The following MYT1L variants were observed in gnomAD, a reference collection of about 807,000 sequenced individuals.
The protein encoded by MYT1L is myelin transcription factor 1 like.
A neutral mutation model predicts 126.7 loss-of-function variants in MYT1L; 12 were observed. That is an observed-to-expected ratio of 0.09 (90% CI 0.06 to 0.15). The LOEUF (loss-of-function observed/expected upper bound fraction) is 0.15. MYT1L is among the 10% of genes least tolerant of loss of function. The probability of loss-of-function intolerance (pLI) is 1.00; values close to 1 mark genes in which losing one functional copy is unlikely to be tolerated. For synonymous variants in MYT1L, 541 were observed against 604.2 expected, an observed-to-expected ratio of 0.90 and a Z score of 1.53; for missense variants, 979 against 1,585.2, an observed-to-expected ratio of 0.62 and a Z score of 6.49.
intron 21 of MYT1L, chr2:1,816,367 A>G (rs1483007869): frequency 6.6e-6 from 1 of 152,636 alleles, no homozygotes; most frequent in Non-Finnish European, 1.5e-5. Context: ...GGTGCCTGGC[A>G]ATTCCTGGCT....
At position 1,910,143 on chromosome 2, in the gene MYT1L, T is replaced by A; in HGVS notation, c.1817+97A>T. ...CCCGCCCTCCAGTCCCTGCCCCTGC[T>A]GCTGTAGGGACATGCCCTGAGCGGG... is the stretch of plus-strand genomic sequence containing the variant. On this transcript the variant is annotated intron_variant, in intron 13 of 24. Transcript: ENST00000647738. The surrounding 1 kb of genome is among the most constrained non-coding windows in gnomAD (Gnocchi z 4.8). 1 of 1,117,120 alleles carries A rather than the reference T, an allele frequency of 9.0e-7. No homozygotes were observed. The highest frequency in any genetic ancestry group is 1.3e-6 in the Non-Finnish European group (1 of 767,320). 69.2% of individuals were successfully genotyped at this position (1,117,120 alleles called of 1,614,324 possible).
intron 4 of MYT1L, among the ~76,000 whole-genome samples, chr2:2,019,114 G>A (rs973821794): frequency 1.3e-5 from 2 of 152,078 alleles, no homozygotes; most frequent in East Asian, 1.9e-4. Context: ...ATATGGTTTC[G>A]CTGTGTCCCC....
chr2:2,016,128 G>A (rs1327163173), intron 4 of MYT1L, among the ~76,000 whole-genome samples: 5 of 152,242 alleles, frequency 3.3e-5, no homozygotes, highest in Non-Finnish European at 7.3e-5. Flanking sequence ...GGTGCTAGGA[G>A]CTTTGTCCAC....
chr2:1,942,868 A>G (rs2056805375), intron 9 of MYT1L, 114 bp downstream of exon 9: 1 of 1,368,318 alleles, frequency 7.3e-7, no homozygotes, highest in Admixed American at 2.9e-5. Context: ...CTCAGTATTG[A>G]CCAAGAAGAA....
At chr2:2,221,844 G>T (rs2093883031) in intron 2 of MYT1L, among the ~76,000 whole-genome samples, 1 of 152,106 alleles carries the variant, frequency 6.6e-6, no homozygotes, top group Non-Finnish European at 1.5e-5. Flanking sequence ...AATTTTCGAA[G>T]GAGCAGAGAT....
chr2:2,228,071 G>A lies in MYT1L; in HGVS notation c.-420-55083C>T, dbSNP rs1389795449. Reference sequence around the variant, plus strand: ...TCATAACGGCTAGTAAATGCCTAGGGTTGAATATAAGTTTGTTGATGTTCA... The same window carrying A: ...TCATAACGGCTAGTAAATGCCTAGGATTGAATATAAGTTTGTTGATGTTCA... On this transcript the variant is annotated intron_variant, in intron 2 of 24. Transcript: ENST00000647738. The surrounding 1 kb of genome is among the most constrained non-coding windows in gnomAD (Gnocchi z 5.9). 2.0e-5 allele frequency among the ~76,000 whole-genome samples: 3 copies of A among 152,138 alleles called. No individual in the cohort carries two copies. The highest frequency in any genetic ancestry group is 7.2e-5 in the African/African-American group (3 of 41,428).
intron 4 of MYT1L, among the ~76,000 whole-genome samples, chr2:2,002,041 G>A (rs148322376): frequency 1.2e-4 from 19 of 152,238 alleles, no homozygotes; most frequent in East Asian, 3.9e-4. Flanking sequence ...ATTTGAAACC[G>A]TGATAAAATC....
chr2:1,875,614 GTC>G (rs2046812796), intron 18 of MYT1L, among the ~76,000 whole-genome samples: 1 of 152,192 alleles, frequency 6.6e-6, no homozygotes, highest in South Asian at 2.1e-4. Flanking sequence ...CTGCCGTTCT[GTC>G]TCTGTCCCCA....
intron 9 of MYT1L, among the ~76,000 whole-genome samples, chr2:1,932,185 G>A (rs964092008): frequency 3.3e-5 from 5 of 152,132 alleles, no homozygotes; most frequent in Admixed American, 6.5e-5. Context: ...TCAGAAGAAT[G>A]ATCTTACACA....
intron 3 of MYT1L, among the ~76,000 whole-genome samples, chr2:2,118,800 T>G (rs2080566390): frequency 6.6e-6 from 1 of 152,242 alleles, no homozygotes; most frequent in Admixed American, 6.5e-5. Context: ...CCTCCCAGAC[T>G]AAACTACCAC....
At chr2:2,250,542 G>A (rs1342628430) in intron 2 of MYT1L, among the ~76,000 whole-genome samples, 1 of 150,496 alleles carries the variant, frequency 6.6e-6, no homozygotes, top group Non-Finnish European at 1.5e-5. Flanking sequence ...GCGGGGAAGT[G>A]GGGATGGTGA....
intron 1 of MYT1L, among the ~76,000 whole-genome samples, chr2:2,315,483 A>G (rs960327570): frequency 6.6e-6 from 1 of 152,188 alleles, no homozygotes; most frequent in African/African-American, 2.4e-5. Flanking sequence ...TATGAAGATA[A>G]TACTGGTGCC....
chr2:2,122,125 T>C (rs1460854165), intron 3 of MYT1L, among the ~76,000 whole-genome samples: 1 of 152,226 alleles, frequency 6.6e-6, no homozygotes, highest in Non-Finnish European at 1.5e-5. Flanking sequence ...CACTATCCAA[T>C]GTGACTAGCA....
chr2:1,993,050 G>A (rs1187499634), intron 5 of MYT1L, among the ~76,000 whole-genome samples: 1 of 152,112 alleles, frequency 6.6e-6, no homozygotes, highest in Non-Finnish European at 1.5e-5. Flanking sequence ...AGCACTCCTG[G>A]CTCACTGGCT....
At chr2:2,205,965 A>ATTTCT (rs200696838) in intron 2 of MYT1L, among the ~76,000 whole-genome samples, 223 of 149,946 alleles carry the variant, frequency 1.5e-3, no homozygotes, top group African/African-American at 5.1e-3. Flanking sequence ...CTGTCCCATA[A>ATTTCT]TTTCTTTTCT....
chr2:1,940,188 T>A (rs1227151553), intron 9 of MYT1L, among the ~76,000 whole-genome samples: 33 of 139,980 alleles, frequency 2.4e-4, no homozygotes, highest in South Asian at 4.7e-4. Context: ...AGGTTATCTC[T>A]CAACATCTCC....
At chr2:2,180,741 T>C (rs1386353228) in intron 2 of MYT1L, among the ~76,000 whole-genome samples, 2 of 148,842 alleles carry the variant, frequency 1.3e-5, no homozygotes, top group African/African-American at 2.6e-5. Context: ...TGTGTGCCTG[T>C]GTGTGTGCTT....
chr2:1,789,737 CG>C lies in MYT1L; in HGVS notation c.*2129del, dbSNP rs1326540944. 1.3e-5 allele frequency: 2 copies of C among 152,178 alleles called. No individual in the cohort carries two copies. Among genetic ancestry groups the C allele is most frequent in the Non-Finnish European group, 2.9e-5 (2 of 68,030 alleles). 9.4% of individuals were successfully genotyped at this position (152,178 alleles called of 1,614,324 possible). ...CAGCTGGGGCCCTGGGCCACACGGA[CG>C]GCCTCAGGTGACTGCAAGCACCTTG... is the stretch of plus-strand genomic sequence containing the variant. On this transcript the variant is annotated 3_prime_UTR_variant, in exon 25 of 25. Transcript: ENST00000647738.
chr2:1,902,860 A>G, intron 14 of MYT1L: 1 of 561,894 alleles, frequency 1.8e-6, no homozygotes, highest in Admixed American at 3.1e-5. Context: ...GGAATTATTG[A>G]GGGGAAACCA....
Sources: gnomAD v4.1 joint callset for allele counts (sites outside exome capture counted in the v4.1 genomes callset) on GRCh38, gnomAD v4.1.1 for gene constraint, Gnocchi (gnomAD v3.1) non-coding constraint, MANE v1.5 for transcripts, NCBI Gene and HGNC (gene_info 2026-07-23, HGNC 2026-07-21) for gene names.